DMRT1: variants seen among roughly 807,000 people sequenced by gnomAD.
DMRT1 encodes the protein doublesex- and mab-3-related transcription factor 1.
DMRT1 carries 7 observed loss-of-function variants against 32.3 expected under a neutral mutation model. The ratio of observed to expected loss-of-function variants is 0.22; its 90% CI spans 0.12 to 0.41. The LOEUF (loss-of-function observed/expected upper bound fraction) is 0.41, where lower values mean the gene tolerates loss of function less well. Ranked by LOEUF, DMRT1 falls within the 10% of genes least tolerant of loss-of-function variation. The pLI is 1.00. For missense variants in DMRT1, 625 were observed against 500.5 expected (o/e 1.25, Z -2.37); for synonymous variants, 278 against 206.1 (o/e 1.35, Z -2.99).
chr9:895,545 A>G (rs940007513), intron 3 of DMRT1, among the ~76,000 whole-genome samples: 1 of 152,164 alleles, frequency 6.6e-6, no homozygotes, highest in African/African-American at 2.4e-5. Flanking sequence ...TTGACGTATC[A>G]TGGGTAAAAA....
intron 4 of DMRT1, 140 bp downstream of exon 4, chr9:917,047 C>T (rs1818207673): frequency 1.1e-6 from 1 of 939,932 alleles, no homozygotes; most frequent in African/African-American, 1.6e-5. Flanking sequence ...GATAAGTATC[C>T]TTTAAAGAAT....
chr9:935,484 C>T (rs1344235506), intron 4 of DMRT1, among the ~76,000 whole-genome samples: 1 of 152,232 alleles, frequency 6.6e-6, no homozygotes, highest in Non-Finnish European at 1.5e-5. Context: ...CCTTGTCAGC[C>T]TGTCTGAGTC....
At chr9:933,133 G>C (rs1054071083) in intron 4 of DMRT1, among the ~76,000 whole-genome samples, 1 of 152,056 alleles carries the variant, frequency 6.6e-6, no homozygotes, top group Non-Finnish European at 1.5e-5. Flanking sequence ...AGCTGGTCTT[G>C]AAGTCCTGAC....
chr9:950,757 A>G (rs111537091), intron 4 of DMRT1, among the ~76,000 whole-genome samples: 1,712 of 152,288 alleles, frequency 0.011, 42 homozygotes, highest in African/African-American at 0.039. Context: ...CCGACTCATT[A>G]AAGAAAGCAT....
At chr9:961,798 A>G (rs1230919801) in intron 4 of DMRT1, among the ~76,000 whole-genome samples, 2 of 152,228 alleles carry the variant, frequency 1.3e-5, no homozygotes, top group African/African-American at 4.8e-5. Context: ...TCACATTAAG[A>G]CATGGAGATT....
chr9:874,974 AT>A (rs565913454), intron 2 of DMRT1, among the ~76,000 whole-genome samples: 2 of 151,402 alleles, frequency 1.3e-5, no homozygotes, highest in Non-Finnish European at 2.9e-5. Flanking sequence ...CGCCCGGCAA[AT>A]TTTTTGTATT....
intron 4 of DMRT1, among the ~76,000 whole-genome samples, chr9:945,004 T>C (rs1819196595): frequency 6.6e-6 from 1 of 152,122 alleles, no homozygotes; most frequent in Non-Finnish European, 1.5e-5. Context: ...AAAGCAGCTG[T>C]ATAAAAACAC....
intron 4 of DMRT1, among the ~76,000 whole-genome samples, chr9:947,112 C>T (rs919010070): frequency 1.3e-5 from 2 of 152,204 alleles, no homozygotes; most frequent in Non-Finnish European, 2.9e-5. Context: ...AACCCTACCC[C>T]ATTTAGTGGC....
chr9:889,422 A>G (rs1309622932), intron 2 of DMRT1, among the ~76,000 whole-genome samples: 1 of 152,254 alleles, frequency 6.6e-6, no homozygotes, highest in Admixed American at 6.5e-5. Flanking sequence ...TTTCCAATAC[A>G]TATCTCCTAT....
chr9:841,953 G>C lies in DMRT1; in HGVS notation c.115G>C (p.Val39Leu), dbSNP rs779173960. ...GGFGKASGAL[V>L]GAASGSSAGG... is the part of the protein sequence containing the mutation. The stretch of plus-strand genomic sequence containing the variant: ...CTTTGGCAAAGCGTCTGGGGCGCTA[G>C]TGGGGGCGGCCAGCGGCTCGAGCGC... Residue 39 changes from valine (V) to leucine (L), a missense_variant, in exon 1 of 5, where the codon GTG (valine) becomes CTG (leucine). Physicochemically the swap from Val to Leu is conservative, Grantham distance 32. Around this residue, in one of 3 missense-constraint regions of DMRT1, gnomAD observed 201 missense variants for 152.0 expected, o/e 1.32. Transcript: ENST00000382276. 4 of 1,598,052 alleles carry C rather than the reference G, an allele frequency of 2.5e-6. No individual in the cohort carries two copies. Among genetic ancestry groups the C allele is most frequent in the Admixed American group, 3.4e-5 (2 of 58,374 alleles).
rs1190542064 is a variant in DMRT1 at position 841,908 on chromosome 9, C to T, written c.70C>T (p.Pro24Ser). The T allele has an allele frequency of 1.4e-5, 22 of 1,610,768 alleles. No individual in the cohort carries two copies. The highest frequency in any genetic ancestry group is 1.9e-5 in the Non-Finnish European group (22 of 1,178,624). The change falls in exon 1 of 5, where the codon CCG becomes TCG. Residue 24 changes from proline (P) to serine (S), a missense_variant. Physicochemically the swap from Pro to Ser is moderately conservative, Grantham distance 74. Transcript: ENST00000382276. ...SEAPHAPGVP[P>S]QGRAGGFGKA... Reference sequence around the variant, plus strand: ...AGCCCCTCACGCCCCCGGGGTACCGCCGCAGGGCAGAGCCGGGGGCTTTGG... The same window carrying T: ...AGCCCCTCACGCCCCCGGGGTACCGTCGCAGGGCAGAGCCGGGGGCTTTGG...
Position 968,149 on chromosome 9 carries a change from G to A in DMRT1, c.*10G>A, listed in dbSNP as rs1466965873. On this transcript the variant is annotated 3_prime_UTR_variant, in exon 5 of 5. Coordinates refer to ENST00000382276, the MANE Select transcript of DMRT1 (RefSeq NM_021951.3). ...CGAGGAGGACGAGTGAGCAGTGCCT[G>A]CTGCCGATGGCGGTTCACTTGGAGT... 3.8e-6 allele frequency: 6 copies of A among 1,599,844 alleles called. No homozygotes were observed. The highest frequency in any genetic ancestry group is 4.2e-6 in the Non-Finnish European group (5 of 1,178,320).
chr9:935,738 A>G (rs1818865220), intron 4 of DMRT1, among the ~76,000 whole-genome samples: 1 of 152,138 alleles, frequency 6.6e-6, no homozygotes, highest in South Asian at 2.1e-4. Flanking sequence ...CCCCCTCCAG[A>G]CCCGTTGAGT....
At position 861,629 on chromosome 9, in the gene DMRT1, A is replaced by ATGGGGC. The variant is rs1232239453; in HGVS notation, c.538+14486_538+14487insTGGGGC. On this transcript the variant is annotated intron_variant, in intron 2 of 4. Coordinates refer to ENST00000382276, the MANE Select transcript of DMRT1 (RefSeq NM_021951.3). Reference sequence around the variant, plus strand: ...GGCAGAGGGGCTCCTCACTTCCCAGAAGGGGCAGCGGCCGGGCAGAGGGGC... The same window carrying ATGGGGC: ...GGCAGAGGGGCTCCTCACTTCCCAGATGGGGCAGGGGCAGCGGCCGGGCAGAGGGGC... Among the ~76,000 whole-genome samples the ATGGGGC allele has an allele frequency of 2.0e-5, 3 of 148,316 alleles. 1 individual carries two copies. Among genetic ancestry groups the ATGGGGC allele is most frequent in the East Asian group, 2.0e-4 (1 of 5,010 alleles).
chr9:842,245 T>C, intron 1 of DMRT1, 53 bp downstream of exon 1: 3 of 1,505,098 alleles, frequency 2.0e-6, no homozygotes. Context: ...TTTTTTTTTT[T>C]TTTTTTTTAG....
At chr9:923,855 T>C (rs1818433967) in intron 4 of DMRT1, among the ~76,000 whole-genome samples, 1 of 151,006 alleles carries the variant, frequency 6.6e-6, no homozygotes, top group African/African-American at 2.4e-5. Context: ...AGAAACGACT[T>C]ATTATTTGCT....
At chr9:876,540 T>A (rs924374190) in intron 2 of DMRT1, among the ~76,000 whole-genome samples, 3 of 151,258 alleles carry the variant, frequency 2.0e-5, no homozygotes, top group Middle Eastern at 3.2e-3. Context: ...TTTTTTTTTT[T>A]AATCTATTGA....
chr9:848,677 C>T (rs1839010311), intron 2 of DMRT1, among the ~76,000 whole-genome samples: 1 of 149,710 alleles, frequency 6.7e-6, no homozygotes, highest in African/African-American at 2.5e-5. Flanking sequence ...TCTTAGCCTC[C>T]TGAGTAGCTA....
At chr9:939,747 G>T (rs1370469610) in intron 4 of DMRT1, among the ~76,000 whole-genome samples, 1 of 152,132 alleles carries the variant, frequency 6.6e-6, no homozygotes, top group African/African-American at 2.4e-5. Context: ...AGTAAAACCA[G>T]AAATTTTGTA....
Sources: allele counts gnomAD v4.1 joint callset (sites outside exome capture counted in the v4.1 genomes callset), GRCh38; gene constraint gnomAD v4.1.1; regional missense constraint gnomAD v4.1.1; transcripts MANE v1.5; gene names NCBI Gene and HGNC (gene_info 2026-07-23, HGNC 2026-07-21).